The following NEDD4 variants were observed in gnomAD, a reference collection of about 807,000 sequenced individuals.
The protein encoded by NEDD4 is NEDD4 E3 ubiquitin protein ligase, also known as E3 ubiquitin-protein ligase NEDD4.
NEDD4 carries 99 observed loss-of-function variants against 144.9 expected under a neutral mutation model. That is an observed-to-expected ratio of 0.68 (90% CI 0.58 to 0.81). NEDD4 has a LOEUF of 0.81. Ranked by LOEUF, NEDD4 falls within the 30% of genes least tolerant of loss-of-function variation. NEDD4 has a pLI of 0.00. For synonymous variants in NEDD4, 318 were observed against 350.6 expected, an observed-to-expected ratio of 0.91 and a Z score of 1.04; for missense variants, 985 against 1,065.9, an observed-to-expected ratio of 0.92 and a Z score of 1.06.
At chr15:55,984,417 T>C (rs1453613480) in intron 1 of NEDD4, among the ~76,000 whole-genome samples, 1 of 152,214 alleles carries the variant, frequency 6.6e-6, no homozygotes, top group Non-Finnish European at 1.5e-5. Context: ...AATGTTGTGA[T>C]GATTACAGCT....
intron 5 of NEDD4, among the ~76,000 whole-genome samples, chr15:55,898,419 G>T (rs1035410908): frequency 1.3e-5 from 2 of 152,128 alleles, no homozygotes; most frequent in South Asian, 2.1e-4. Context: ...ATTTATGAAA[G>T]TTTTCAGTCT....
At chr15:55,903,331 T>G (rs1376535325) in intron 5 of NEDD4, among the ~76,000 whole-genome samples, 1 of 152,166 alleles carries the variant, frequency 6.6e-6, no homozygotes, top group African/African-American at 2.4e-5. Context: ...TGCTTTAAAA[T>G]ACATAATGGA....
In NEDD4 at chr15:55,850,473, T is replaced by C. The variant is rs143922942; in HGVS notation, c.1347+69A>G. ...GGTTATACTAATACATACTTAAAGA[T>C]TTTAAGGAACTATACATAAGAGATG... On this transcript the variant is annotated intron_variant, in intron 14 of 28. Transcript: ENST00000435532. The C allele has an allele frequency of 8.2e-5, 118 of 1,433,798 alleles. No homozygotes were observed. The African/African-American group carries it at 1.6e-3, about 19-fold the overall frequency. The allele number at this position is 1,433,798 out of a possible 1,614,324, so 88.8% of individuals were successfully genotyped here.
intron 2 of NEDD4, among the ~76,000 whole-genome samples, chr15:55,964,260 A>G (rs774243254): frequency 1.3e-5 from 2 of 151,960 alleles, no homozygotes; most frequent in Non-Finnish European, 2.9e-5. Flanking sequence ...TTAGACTTTT[A>G]TATATTAGCT....
chr15:55,921,307 T>C (rs371940281), intron 5 of NEDD4, among the ~76,000 whole-genome samples: 78 of 152,020 alleles, frequency 5.1e-4, no homozygotes, highest in African/African-American at 1.8e-3. Context: ...TAGTCCTTAG[T>C]GTGGGGATCT....
rs150212864 is a variant in NEDD4, at chr15:55,828,786, T to C, written c.*1111A>G. ...ACATTGTCTTCATAGTAAACAGTATTTTAAAAGGCATAAGAAATAGTAATA... is the reference window on the plus strand; with the variant it reads ...ACATTGTCTTCATAGTAAACAGTATCTTAAAAGGCATAAGAAATAGTAATA... On this transcript the variant is annotated 3_prime_UTR_variant, in exon 29 of 29. Transcript: ENST00000435532. 0.023 allele frequency: 3,549 copies of C among 152,760 alleles called. 52 individuals are homozygous for C. Among genetic ancestry groups the C allele is most frequent in the Non-Finnish European group, 0.035 (2,410 of 68,034 alleles). 9.5% of individuals were successfully genotyped at this position (152,760 alleles called of 1,614,324 possible).
intron 2 of NEDD4, among the ~76,000 whole-genome samples, chr15:55,964,719 G>A (rs1232511154): frequency 3.3e-5 from 5 of 151,050 alleles, no homozygotes; most frequent in African/African-American, 9.7e-5. Flanking sequence ...GTGTGTGTGT[G>A]TGTGTGTGTG....
intron 9 of NEDD4, among the ~76,000 whole-genome samples, chr15:55,861,787 G>A (rs1219226312): frequency 6.6e-6 from 1 of 151,960 alleles, no homozygotes; most frequent in African/African-American, 2.4e-5. Context: ...CAAGAATTTT[G>A]TTCAAATATT....
At chr15:55,860,131 G>A (rs924272034) in intron 11 of NEDD4, among the ~76,000 whole-genome samples, 6 of 152,190 alleles carry the variant, frequency 3.9e-5, no homozygotes, top group Admixed American at 3.3e-4. Context: ...TTGCTGAAAT[G>A]AATAATAAAC....
At chr15:55,953,795 A>T (rs1566967373) in intron 2 of NEDD4, among the ~76,000 whole-genome samples, 1 of 152,086 alleles carries the variant, frequency 6.6e-6, no homozygotes, top group Non-Finnish European at 1.5e-5. Flanking sequence ...ATCTCGGCTC[A>T]CTGCAACCTC....
chr15:55,854,250 A>G (rs1226958892), intron 12 of NEDD4, among the ~76,000 whole-genome samples: 1 of 152,158 alleles, frequency 6.6e-6, no homozygotes, highest in Non-Finnish European at 1.5e-5. Flanking sequence ...GGCTTACAAC[A>G]TAAAAACCAT....
At chr15:55,865,449 C>T (rs1157019622) in intron 8 of NEDD4, among the ~76,000 whole-genome samples, 1 of 151,646 alleles carries the variant, frequency 6.6e-6, no homozygotes, top group Non-Finnish European at 1.5e-5. Flanking sequence ...AAGTGGGACA[C>T]TGTTAAGTAT....
At chr15:55,954,805 T>C (rs1226412567) in intron 2 of NEDD4, among the ~76,000 whole-genome samples, 1 of 151,798 alleles carries the variant, frequency 6.6e-6, no homozygotes. Flanking sequence ...AATACAGGCG[T>C]GAGCCACCGT....
intron 14 of NEDD4, among the ~76,000 whole-genome samples, chr15:55,849,549 T>C (rs2033894922): frequency 6.6e-6 from 1 of 152,134 alleles, no homozygotes; most frequent in African/African-American, 2.4e-5. Context: ...AGAACATGCA[T>C]TTTGCCAGCT....
chr15:55,908,868 C>G (rs1465966692), intron 5 of NEDD4, among the ~76,000 whole-genome samples: 1 of 151,888 alleles, frequency 6.6e-6, no homozygotes, highest in Non-Finnish European at 1.5e-5. Flanking sequence ...AATGAGACCT[C>G]ATCATAAAAA....
At chr15:55,945,768 A>C (rs1344914072) in intron 4 of NEDD4, among the ~76,000 whole-genome samples, 2 of 152,134 alleles carry the variant, frequency 1.3e-5, no homozygotes, top group South Asian at 2.1e-4. Flanking sequence ...GAGAAAGGTG[A>C]GGTTACCCAC....
At chr15:55,850,401 T>C (rs1373444211) in intron 14 of NEDD4, 141 bp downstream of exon 14, 13 of 767,818 alleles carry the variant, frequency 1.7e-5, no homozygotes, top group Admixed American at 7.5e-5. Flanking sequence ...ATACAAATAA[T>C]ATTATTAAGA....
intron 1 of NEDD4, among the ~76,000 whole-genome samples, chr15:55,979,998 C>T (rs2037772589): frequency 6.6e-6 from 1 of 151,890 alleles, no homozygotes; most frequent in Non-Finnish European, 1.5e-5. Context: ...GCAACCTCTG[C>T]CTCCTAGGCT....
chr15:55,924,012 T>A (rs1271758937), intron 5 of NEDD4, among the ~76,000 whole-genome samples: 4 of 152,070 alleles, frequency 2.6e-5, no homozygotes, highest in African/African-American at 4.8e-5. Context: ...TGAGATTGGA[T>A]CCTCAGAGAC....
Sources: allele counts gnomAD v4.1 joint callset (sites outside exome capture counted in the v4.1 genomes callset), GRCh38; gene constraint gnomAD v4.1.1; transcripts MANE v1.5; gene names NCBI Gene and HGNC (gene_info 2026-07-23, HGNC 2026-07-21).